Variants in CCDC90B observed in about 807,000 individuals in gnomAD.
The protein encoded by CCDC90B is coiled-coil domain-containing protein 90B, mitochondrial.
Under a neutral mutation model 37.0 loss-of-function variants are expected in CCDC90B, and 24 were observed. The ratio of observed to expected loss-of-function variants is 0.65; its 90% CI spans 0.47 to 0.91. The LOEUF (loss-of-function observed/expected upper bound fraction) is 0.91, where lower values mean the gene tolerates loss of function less well. CCDC90B is among the 40% of genes least tolerant of loss of function. The pLI is 0.00. For synonymous variants in CCDC90B, 113 were observed against 101.1 expected (o/e 1.12, Z -0.71); for missense variants, 319 against 299.0 (o/e 1.07, Z -0.49).
At chr11:83,278,195 T>C (rs1326149485) in intron 3 of CCDC90B, among the ~76,000 whole-genome samples, 2 of 152,194 alleles carry the variant, frequency 1.3e-5, no homozygotes, top group Non-Finnish European at 2.9e-5. Context: ...TTAAATAATA[T>C]ACGAAAAGTA....
rs149376745 is a variant in CCDC90B, at chr11:83,285,956, G to A, written c.17C>T (p.Ala6Val). ...GCCTTGGGAGAGAAAGAGCCGCCAA[G>A]CCTGGCGACTATTCATGTCCTCAGA... is the stretch of plus-strand genomic sequence containing the variant. MNSRQAWRLFLSQGRG... is the reference protein window; with the variant it reads MNSRQVWRLFLSQGRG... Residue 6 changes from alanine (A) to valine (V), a missense_variant, in exon 1 of 9, where the codon GCT becomes GTT. Coordinates refer to ENST00000529689, the MANE Select transcript of CCDC90B (RefSeq NM_021825.5). 9 of 1,611,990 alleles carry A rather than the reference G, an allele frequency of 5.6e-6. No homozygotes were observed. Among genetic ancestry groups the A allele is most frequent in the Non-Finnish European group, 7.6e-6 (9 of 1,179,166 alleles).
Position 83,261,813 on chromosome 11 carries a change from T to C in CCDC90B, c.*98A>G, listed in dbSNP as rs28930683. On this transcript the variant is annotated 3_prime_UTR_variant, in exon 9 of 9. Coordinates refer to ENST00000529689, the MANE Select transcript of CCDC90B (RefSeq NM_021825.5). ...TCCGTATACACTTCGAATAATCTTG[T>C]GTAGTAAATTTTTGCTGCAACTGAC... is the stretch of plus-strand genomic sequence containing the variant. 0.02 allele frequency: 15,458 copies of C among 781,230 alleles called. 214 individuals are homozygous for C. The highest frequency in any genetic ancestry group is 0.028 in the Non-Finnish European group (12,831 of 460,636). 48.4% of individuals were successfully genotyped at this position (781,230 alleles called of 1,614,324 possible).
chr11:83,272,432 T>C (rs945366760), intron 7 of CCDC90B, among the ~76,000 whole-genome samples: 6 of 152,106 alleles, frequency 3.9e-5, no homozygotes, highest in African/African-American at 1.4e-4. Context: ...CACAGAACTA[T>C]CATTTTATGT....
intron 1 of CCDC90B, among the ~76,000 whole-genome samples, chr11:83,281,654 A>G (rs1032831988): frequency 6.6e-6 from 1 of 152,130 alleles, no homozygotes; most frequent in African/African-American, 2.4e-5. Flanking sequence ...GACCTAAGGT[A>G]GGAGAGAAAA....
At position 83,286,186 on chromosome 11, in the gene CCDC90B, C is replaced by T. The variant is rs1269125425; in HGVS notation, c.-214G>A. 2.6e-6 allele frequency: 4 copies of T among 1,534,244 alleles called. No individual in the cohort carries two copies. In the African/African-American group the frequency reaches 4.1e-5, roughly 16 times the overall value. On this transcript the variant is annotated 5_prime_UTR_variant, in exon 1 of 9. Coordinates refer to ENST00000529689, the MANE Select transcript of CCDC90B (RefSeq NM_021825.5). ...GTTCGCGAGCATGGCTCAGCGCTGCCCCGCTTCTCCCAGCGCCCCTTCCCG... is the reference window on the plus strand; with the variant it reads ...GTTCGCGAGCATGGCTCAGCGCTGCTCCGCTTCTCCCAGCGCCCCTTCCCG...
At chr11:83,265,506 T>C (rs1002832063) in intron 8 of CCDC90B, among the ~76,000 whole-genome samples, 1 of 152,214 alleles carries the variant, frequency 6.6e-6, no homozygotes, top group Non-Finnish European at 1.5e-5. Context: ...ATGCTTTTTC[T>C]ATTAGTCAGC....
chr11:83,270,008 A>G (rs1008711155), intron 7 of CCDC90B, among the ~76,000 whole-genome samples: 1 of 152,230 alleles, frequency 6.6e-6, no homozygotes, highest in Admixed American at 6.5e-5. Flanking sequence ...AGTATACACA[A>G]ATCAATAAAC....
chr11:83,278,784 G>A lies in CCDC90B; in HGVS notation c.266C>T (p.Ala89Val), dbSNP rs374510472. ...AGTATCCAGGCTGACATTTGATAAA[G>A]CAGTTAACGCTGATACAATTGTTTC... The part of the protein sequence containing the change: ...QAETIVSALT[A>V]LSNVSLDTIY... Residue 89 changes from alanine to valine, a missense_variant, in exon 3 of 9, where the codon GCT (alanine) becomes GTT (valine). Ala to Val is a moderately conservative substitution (Grantham distance 64, BLOSUM62 0). Transcript: ENST00000529689. 2 of 1,613,550 alleles carry A rather than the reference G, an allele frequency of 1.2e-6. No individual in the cohort carries two copies. The highest frequency in any genetic ancestry group is 1.7e-6 in the Non-Finnish European group (2 of 1,179,772).
rs994150554 is a variant in CCDC90B, at chr11:83,273,777, T to C, written c.540+16A>G. On this transcript the variant is annotated intron_variant, in intron 6 of 8. Coordinates refer to ENST00000529689, the MANE Select transcript of CCDC90B (RefSeq NM_021825.5). ...AGGAGTAAGTAACCAAGAAAGTACA[T>C]TTAAAAGAACATTACCATATCTGTT... 6 of 1,604,050 alleles carry C rather than the reference T, an allele frequency of 3.7e-6. No homozygotes were observed. Among genetic ancestry groups the C allele is most frequent in the Non-Finnish European group, 5.1e-6 (6 of 1,175,634 alleles).
chr11:83,269,081 A>C (rs753323411), intron 7 of CCDC90B, among the ~76,000 whole-genome samples: 7 of 152,340 alleles, frequency 4.6e-5, no homozygotes, highest in Non-Finnish European at 7.3e-5. Flanking sequence ...ACAAAGACAC[A>C]ACGTACCAGA....
intron 1 of CCDC90B, chr11:83,285,671 G>C: frequency 1.4e-6 from 2 of 1,411,756 alleles, no homozygotes; most frequent in Non-Finnish European, 1.8e-6. Flanking sequence ...AGAACAGAAA[G>C]GCAGTGCTTT....
chr11:83,285,934 T>C lies in CCDC90B; in HGVS notation c.39A>G (p.Gln13=). ...TTGAAACCCAACGATCTCCTCTGCC[T>C]TGGGAGAGAAAGAGCCGCCAAGCCT... ...SRQAWRLFLS[Q]GRGDRWVSRP... is the part of the protein sequence containing the mutation. Residue 13 remains glutamine, a synonymous_variant, in exon 1 of 9, where the codon CAA becomes CAG. Coordinates refer to ENST00000529689, the MANE Select transcript of CCDC90B (RefSeq NM_021825.5). The C allele has an allele frequency of 6.2e-7, 1 of 1,613,368 alleles. No homozygotes were observed. The highest frequency in any genetic ancestry group is 8.5e-7 in the Non-Finnish European group (1 of 1,179,794).
At chr11:83,272,561 C>A (rs1332626705) in intron 7 of CCDC90B, among the ~76,000 whole-genome samples, 2 of 151,870 alleles carry the variant, frequency 1.3e-5, no homozygotes, top group Non-Finnish European at 1.5e-5. Flanking sequence ...GCATAAATAA[C>A]CTGATGGGTA....
intron 8 of CCDC90B, among the ~76,000 whole-genome samples, chr11:83,263,466 A>C (rs537556415): frequency 6.6e-6 from 1 of 152,288 alleles, no homozygotes; most frequent in African/African-American, 2.4e-5. Flanking sequence ...GACATTCTAC[A>C]TATATGTAAA....
intron 8 of CCDC90B, among the ~76,000 whole-genome samples, chr11:83,265,306 T>G (rs1190550050): frequency 6.6e-6 from 1 of 152,228 alleles, no homozygotes; most frequent in East Asian, 1.9e-4. Context: ...TAAGGTCATC[T>G]GTCCCTCCTC....
chr11:83,261,862 G>T lies in CCDC90B; in HGVS notation c.*49C>A. The T allele has an allele frequency of 7.5e-7, 1 of 1,336,710 alleles. No homozygotes were observed. 82.8% of individuals were successfully genotyped at this position (1,336,710 alleles called of 1,614,324 possible). A position where few individuals can be genotyped will look rare whatever the true frequency, so the allele number is the denominator to read the frequency against. On this transcript the variant is annotated 3_prime_UTR_variant, in exon 9 of 9. Transcript: ENST00000529689. ...ACAATGTTCAAAGTAAATCTCTCCC[G>T]GTTTGGTGTTCTAAGAAGCCAACAG...
At chr11:83,278,256 T>C (rs1021964277) in intron 3 of CCDC90B, among the ~76,000 whole-genome samples, 3 of 152,232 alleles carry the variant, frequency 2.0e-5, no homozygotes, top group Admixed American at 6.5e-5. Flanking sequence ...ACTTTAAGGA[T>C]TTTTATATTC....
In CCDC90B at chr11:83,280,123, G is replaced by A. The variant is rs776623523; in HGVS notation, c.220+18C>T. On this transcript the variant is annotated intron_variant, in intron 2 of 8. Coordinates refer to ENST00000529689, the MANE Select transcript of CCDC90B (RefSeq NM_021825.5). The stretch of plus-strand genomic sequence containing the variant: ...TGCTATTAATTTTCTTCTTTCAGGA[G>A]GTATCCATGTTTCTCACCATGAGTT... The A allele has an allele frequency of 1.2e-6, 2 of 1,606,154 alleles. No individual in the cohort carries two copies. The highest frequency in any genetic ancestry group is 2.2e-5 in the East Asian group (1 of 44,666).
At chr11:83,274,286 A>G (rs1864886884) in intron 4 of CCDC90B, 1 of 301,246 alleles carries the variant, frequency 3.3e-6, no homozygotes, top group Non-Finnish European at 6.0e-6. Flanking sequence ...ACAGAAATAT[A>G]CTTTTAAGTC....
Sources: gnomAD v4.1 joint callset for allele counts (sites outside exome capture counted in the v4.1 genomes callset) on GRCh38, gnomAD v4.1.1 for gene constraint, MANE v1.5 for transcripts, NCBI Gene and HGNC (gene_info 2026-07-23, HGNC 2026-07-21) for gene names.